TMEM33: variants seen among roughly 807,000 people sequenced by gnomAD.
TMEM33 encodes transmembrane protein 33.
In TMEM33, 16 loss-of-function variants were observed where a neutral mutation model predicts 29.7. The ratio of observed to expected loss-of-function variants is 0.54; its 90% CI spans 0.36 to 0.82. The LOEUF (loss-of-function observed/expected upper bound fraction) is 0.82. Among genes scored for constraint, TMEM33 ranks in the 40% least tolerant of loss-of-function variants. TMEM33 has a pLI of 0.00. For missense variants in TMEM33, 252 were observed against 295.3 expected (o/e 0.85, Z 1.08); for synonymous variants, 112 against 109.4 (o/e 1.02, Z -0.15).
At chr4:41,950,900 A>G (rs539447867) in intron 6 of TMEM33, among the ~76,000 whole-genome samples, 1 of 152,282 alleles carries the variant, frequency 6.6e-6, no homozygotes, top group East Asian at 1.9e-4. Context: ...ACTGAAAAGG[A>G]AAGGATAGCA....
chr4:41,937,494 A>AT (rs554085954), intron 1 of TMEM33, among the ~76,000 whole-genome samples: 3,864 of 151,544 alleles, frequency 0.025, 82 homozygotes, highest in African/African-American at 0.045. Flanking sequence ...AATTTTTTAT[A>AT]TTTTTTTTTC....
rs1476018556 is a variant in TMEM33 at position 41,955,212 on chromosome 4, T to C, written c.*1013T>C. The stretch of plus-strand genomic sequence containing the variant: ...ATCAAATCTGACTTAAAAGGTTAAA[T>C]GGAAGGTTTTATAGGTAAGGTAATT... On this transcript the variant is annotated 3_prime_UTR_variant, in exon 7 of 7. Coordinates refer to ENST00000504986, the MANE Select transcript of TMEM33 (RefSeq NM_018126.3). 1 of 152,308 alleles carries C rather than the reference T, an allele frequency of 6.6e-6. No individual in the cohort carries two copies. The highest frequency in any genetic ancestry group is 1.5e-5 in the Non-Finnish European group (1 of 67,970). The allele number at this position is 152,308 out of a possible 1,614,324, so 9.4% of individuals were successfully genotyped here. A position where few individuals can be genotyped will look rare whatever the true frequency, so the allele number is the denominator to read the frequency against.
At chr4:41,945,151 T>G (rs1712726953) in intron 5 of TMEM33, among the ~76,000 whole-genome samples, 1 of 152,200 alleles carries the variant, frequency 6.6e-6, no homozygotes, top group Admixed American at 6.5e-5. Context: ...ATTTGACATT[T>G]TAAAAATTAC....
At position 41,954,459 on chromosome 4, in the gene TMEM33, A is replaced by G. The variant is rs1000886183; in HGVS notation, c.*260A>G. 1.0e-4 allele frequency: 26 copies of G among 251,092 alleles called. No homozygotes were observed. In the Admixed American group the frequency reaches 1.3e-3, roughly 12 times the overall value. 15.6% of individuals were successfully genotyped at this position (251,092 alleles called of 1,614,324 possible). ...GATAAATATACCAGTTTTTTTAAAA[A>G]GATGCTGTTGTGCCTATATCATGAA... On this transcript the variant is annotated 3_prime_UTR_variant, in exon 7 of 7. Transcript: ENST00000504986.
At chr4:41,950,259 A>G (rs1183757377) in intron 6 of TMEM33, among the ~76,000 whole-genome samples, 3 of 152,192 alleles carry the variant, frequency 2.0e-5, no homozygotes, top group Non-Finnish European at 4.4e-5. Context: ...GAGTAAAACT[A>G]AAATGATACT....
intron 4 of TMEM33, chr4:41,944,237 G>T: frequency 5.7e-6 from 1 of 176,878 alleles, no homozygotes; most frequent in Non-Finnish European, 1.2e-5. Flanking sequence ...CTTATTGCTA[G>T]GTTGGAGCAT....
At chr4:41,940,615 C>G (rs1248213444) in intron 3 of TMEM33, among the ~76,000 whole-genome samples, 1 of 151,746 alleles carries the variant, frequency 6.6e-6, no homozygotes, top group Non-Finnish European at 1.5e-5. Flanking sequence ...TGAGACCATC[C>G]TGGCTAATAT....
intron 3 of TMEM33, among the ~76,000 whole-genome samples, chr4:41,940,834 C>CTTGACA (rs1712509658): frequency 7.4e-6 from 1 of 135,110 alleles, no homozygotes; most frequent in African/African-American, 2.8e-5. Flanking sequence ...AAAAAAAGAA[C>CTTGACA]TTGACATTTA....
chr4:41,935,941 G>C (rs937736776), intron 1 of TMEM33, among the ~76,000 whole-genome samples: 5 of 152,210 alleles, frequency 3.3e-5, no homozygotes. Context: ...TTATACAATC[G>C]TATATAGAAA....
At position 41,957,058 on chromosome 4, in the gene TMEM33, T is replaced by TC. The variant is rs1320335946; in HGVS notation, c.*2861dup. The TC allele has an allele frequency of 6.6e-6, 1 of 152,186 alleles. No homozygotes were observed. Among genetic ancestry groups the TC allele is most frequent in the Non-Finnish European group, 1.5e-5 (1 of 67,988 alleles). 9.4% of individuals were successfully genotyped at this position (152,186 alleles called of 1,614,324 possible). On this transcript the variant is annotated 3_prime_UTR_variant, in exon 7 of 7. Coordinates refer to ENST00000504986, the MANE Select transcript of TMEM33 (RefSeq NM_018126.3). Reference sequence around the variant, plus strand: ...AGGTTTAAAAGAAGTTCATTTAACATCCAGTGTGTCTAATTCTTCTGGAAG... The same window carrying TC: ...AGGTTTAAAAGAAGTTCATTTAACATCCCAGTGTGTCTAATTCTTCTGGAAG...
chr4:41,935,258 G>C, upstream of TMEM33: 1 of 619,890 alleles, frequency 1.6e-6, no homozygotes, highest in South Asian at 1.9e-5. Flanking sequence ...GGCGGTGCGG[G>C]ACAGGTACCT....
chr4:41,940,062 T>TTC (rs1712459818), intron 3 of TMEM33, among the ~76,000 whole-genome samples: 1 of 145,874 alleles, frequency 6.9e-6, no homozygotes, highest in Admixed American at 6.8e-5. Context: ...TTTTTTTTTT[T>TTC]TTTTTTTTGA....
intron 3 of TMEM33, among the ~76,000 whole-genome samples, chr4:41,940,557 G>A (rs1044170317): frequency 1.3e-5 from 2 of 152,108 alleles, no homozygotes; most frequent in East Asian, 1.9e-4. Flanking sequence ...GCTCACGTGC[G>A]GTGGCACTTT....
chr4:41,940,193 G>A (rs1440527052), intron 3 of TMEM33, among the ~76,000 whole-genome samples: 2 of 151,830 alleles, frequency 1.3e-5, no homozygotes, highest in East Asian at 1.9e-4. Context: ...CTTTACTATA[G>A]TGGCTTTGGT....
intron 1 of TMEM33, among the ~76,000 whole-genome samples, chr4:41,937,684 A>G (rs1712308438): frequency 2.0e-5 from 3 of 152,214 alleles, no homozygotes; most frequent in South Asian, 2.1e-4. Context: ...TTATATATCC[A>G]TGTATATGGA....
chr4:41,944,032 AC>A, intron 4 of TMEM33: 5 of 488,194 alleles, frequency 1.0e-5, no homozygotes, highest in South Asian at 5.9e-5. Context: ...ACTTAAAATC[AC>A]CCCCCAGTCT....
rs1288094875 is a variant in TMEM33, at chr4:41,953,772, CA to C, written c.615-294del. ...TATATTTGTGCAGTTTGTGGTGCCCCAAAACAGTTACAATAGTAACACCAAA... is the reference window on the plus strand; with the variant it reads ...TATATTTGTGCAGTTTGTGGTGCCCCAAACAGTTACAATAGTAACACCAAA... On this transcript the variant is annotated intron_variant, in intron 6 of 6. Coordinates refer to ENST00000504986, the MANE Select transcript of TMEM33 (RefSeq NM_018126.3). 5 of 469,870 alleles carry C rather than the reference CA, an allele frequency of 1.1e-5. No individual in the cohort carries two copies. In the East Asian group the frequency reaches 3.2e-4, roughly 30 times the overall value. The allele number at this position is 469,870 out of a possible 1,614,324, so 29.1% of individuals were successfully genotyped here. A position where few individuals can be genotyped will look rare whatever the true frequency, so the allele number is the denominator to read the frequency against.
chr4:41,935,317 G>A (rs978816047), upstream of TMEM33: 25 of 751,622 alleles, frequency 3.3e-5, no homozygotes, highest in African/African-American at 3.8e-4. Context: ...CCAGGCGAGC[G>A]AGACCCTTCC....
intron 1 of TMEM33, among the ~76,000 whole-genome samples, chr4:41,936,526 G>A (rs961000087): frequency 1.3e-5 from 2 of 151,808 alleles, no homozygotes; most frequent in East Asian, 1.9e-4. Context: ...CTGGGTGATA[G>A]AGCAAAACCT....
Sources: gnomAD v4.1 joint callset for allele counts (sites outside exome capture counted in the v4.1 genomes callset) on GRCh38, gnomAD v4.1.1 for gene constraint, MANE v1.5 for transcripts, NCBI Gene and HGNC (gene_info 2026-07-23, HGNC 2026-07-21) for gene names.